Variants in USH2A observed in about 807,000 individuals in gnomAD.
USH2A encodes usherin.
USH2A carries 443 observed loss-of-function variants against 538.9 expected under a neutral mutation model. That is an observed-to-expected ratio of 0.82 (90% CI 0.76 to 0.89). The LOEUF (loss-of-function observed/expected upper bound fraction) is 0.89, where lower values mean the gene tolerates loss of function less well. Among genes scored for constraint, USH2A ranks in the 40% least tolerant of loss-of-function variants. USH2A has a pLI of 0.00. For synonymous variants in USH2A, 2,413 were observed against 2,273.5 expected (o/e 1.06, Z -1.75); for missense variants, 6,633 against 6,324.8 (o/e 1.05, Z -1.65).
chr1:216,164,942 T>A (rs1056781172), intron 21 of USH2A, among the ~76,000 whole-genome samples: 1 of 152,108 alleles, frequency 6.6e-6, no homozygotes, highest in Non-Finnish European at 1.5e-5. Flanking sequence ...AGTTTCACAC[T>A]GGGGGAATGA....
At chr1:216,041,689 C>T (rs927733386) in intron 32 of USH2A, among the ~76,000 whole-genome samples, 1 of 151,890 alleles carries the variant, frequency 6.6e-6, no homozygotes, top group Non-Finnish European at 1.5e-5. Flanking sequence ...CAGGATAGCT[C>T]GTGGAGAAGT....
At chr1:216,391,826 G>A (rs77168054) in intron 3 of USH2A, among the ~76,000 whole-genome samples, 5,658 of 152,272 alleles carry the variant, frequency 0.037, 143 homozygotes, top group South Asian at 0.083. Context: ...ATGTGCTTTT[G>A]TTCCAGGTCT....
Position 215,674,996 on chromosome 1 carries a change from C to A in USH2A, c.12915G>T (p.Met4305Ile). Residue 4305 changes from methionine to isoleucine, a missense_variant, in exon 63 of 72, where the codon ATG becomes ATT. Coordinates refer to ENST00000307340, the MANE Select transcript of USH2A (RefSeq NM_206933.4). ...CAGGATCAAAGCTAAAAGGATAGAG[C>A]ATTTCATTCCTTTGAAGCCTATAGG... ...IQSYRLQRNE[M>I]LYPFSFDPVT... 1 of 1,614,138 alleles carries A rather than the reference C, an allele frequency of 6.2e-7. No individual in the cohort carries two copies. The highest frequency in any genetic ancestry group is 1.1e-5 in the South Asian group (1 of 91,078).
At chr1:215,732,959 T>C (rs1477520469) in intron 60 of USH2A, among the ~76,000 whole-genome samples, 2 of 152,162 alleles carry the variant, frequency 1.3e-5, no homozygotes, top group Non-Finnish European at 2.9e-5. Flanking sequence ...TATCCTTCTA[T>C]GTGCTACCTC....
chr1:215,805,630 G>T (rs370873042), intron 49 of USH2A, among the ~76,000 whole-genome samples: 4 of 151,866 alleles, frequency 2.6e-5, no homozygotes, highest in African/African-American at 9.7e-5. Flanking sequence ...TGTAAACAAG[G>T]AAAAAATAAA....
chr1:216,306,553 T>C (rs2037320185), intron 9 of USH2A, among the ~76,000 whole-genome samples: 2 of 152,200 alleles, frequency 1.3e-5, no homozygotes, highest in African/African-American at 4.8e-5. Context: ...TGGTAAGCTA[T>C]TGTGATCTTT....
At chr1:215,625,904 CTTGCTATCAATAGTAT>C (rs772058929) in intron 71 of USH2A, 34 bp from the exon 72 acceptor site, 3 of 1,568,356 alleles carry the variant, frequency 1.9e-6, no homozygotes, top group Non-Finnish European at 2.6e-6. Context: ...TGGCTACATA[CTTGCTATCAATAGTAT>C]TTGCTATCAA....
intron 37 of USH2A, among the ~76,000 whole-genome samples, chr1:215,960,855 C>G (rs1667180066): frequency 6.6e-6 from 1 of 152,050 alleles, no homozygotes; most frequent in African/African-American, 2.4e-5. Flanking sequence ...AAAATCTTCC[C>G]TTAATTATTT....
chr1:215,965,400 T>C lies in USH2A; in HGVS notation c.7037A>G (p.His2346Arg), dbSNP rs776390437. The C allele has an allele frequency of 9.3e-6, 15 of 1,613,922 alleles. No homozygotes were observed. The East Asian group carries it at 3.1e-4, about 34-fold the overall frequency. ...FVKTQGSRKA[H>R]VRWEAPFRPN... is the part of the protein sequence containing the mutation. ...GCGAAAAGGTGCTTCCCACCTCACGTGGGCTTTCCGGGATCCCTGTGTTTT... is the reference window on the plus strand; with the variant it reads ...GCGAAAAGGTGCTTCCCACCTCACGCGGGCTTTCCGGGATCCCTGTGTTTT... Residue 2346 changes from histidine to arginine, a missense_variant, in exon 37 of 72, where the codon CAC (histidine) becomes CGC (arginine). By Grantham distance (29) the His-to-Arg change is conservative. Transcript: ENST00000307340.
intron 21 of USH2A, among the ~76,000 whole-genome samples, chr1:216,112,042 G>A (rs892325570): frequency 2.0e-5 from 3 of 151,906 alleles, no homozygotes; most frequent in African/African-American, 7.3e-5. Context: ...CTGCCATTAG[G>A]TGGTGCTAGA....
chr1:216,008,819 A>C (rs1668472543), intron 32 of USH2A, among the ~76,000 whole-genome samples: 1 of 152,146 alleles, frequency 6.6e-6, no homozygotes, highest in Admixed American at 6.5e-5. Context: ...ATTTTCTGGT[A>C]AAGACAAAGG....
At chr1:216,401,526 A>G (rs1165697338) in intron 3 of USH2A, among the ~76,000 whole-genome samples, 2 of 152,138 alleles carry the variant, frequency 1.3e-5, no homozygotes, top group Admixed American at 6.5e-5. Context: ...AATTTTTAAA[A>G]AAGTATCCAA....
chr1:216,328,072 C>G (rs2037771591), intron 4 of USH2A, among the ~76,000 whole-genome samples: 1 of 152,126 alleles, frequency 6.6e-6, no homozygotes, highest in Non-Finnish European at 1.5e-5. Flanking sequence ...ACTCTCACAT[C>G]CCACCTGTTA....
intron 58 of USH2A, among the ~76,000 whole-genome samples, chr1:215,746,017 T>A (rs2102730420): frequency 6.6e-6 from 1 of 152,312 alleles, no homozygotes; most frequent in Middle Eastern, 3.4e-3. Flanking sequence ...TGTCAAAGTA[T>A]ATTCAAAGAC....
rs373972698 is a variant in USH2A, at chr1:215,648,577, C to T, written c.14533G>A (p.Ala4845Thr). ...ATGGGGGGACTCCACCGGAAGGAGGCCGTCCTTGAGGCCAGCGTCCCGATT... is the reference window on the plus strand; with the variant it reads ...ATGGGGGGACTCCACCGGAAGGAGGTCGTCCTTGAGGCCAGCGTCCCGATT... ...PQIGTLASRT[A>T]SFRWSPPMFP... The change falls in exon 66 of 72, where the codon GCC becomes ACC. Residue 4845 changes from alanine (A) to threonine (T), a missense_variant. Physicochemically the swap from Ala to Thr is moderately conservative, Grantham distance 58. Coordinates refer to ENST00000307340, the MANE Select transcript of USH2A (RefSeq NM_206933.4). 18 of 1,614,200 alleles carry T rather than the reference C, an allele frequency of 1.1e-5. No homozygotes were observed. The highest frequency in any genetic ancestry group is 1.4e-5 in the Non-Finnish European group (16 of 1,180,038).
chr1:216,071,025 TTAAC>T (rs2031541588), intron 29 of USH2A, among the ~76,000 whole-genome samples: 1 of 152,236 alleles, frequency 6.6e-6, no homozygotes, highest in Non-Finnish European at 1.5e-5. Context: ...TCTATTACCT[TTAAC>T]TATTTATTAG....
At chr1:215,680,104 T>C (rs774188749) in intron 62 of USH2A, 45 bp downstream of exon 62, 4 of 1,592,348 alleles carry the variant, frequency 2.5e-6, no homozygotes, top group East Asian at 2.2e-5. Flanking sequence ...CATCTATTTA[T>C]CTGGAGAACA....
At chr1:216,409,103 G>A (rs1232775458) in intron 3 of USH2A, among the ~76,000 whole-genome samples, 1 of 152,086 alleles carries the variant, frequency 6.6e-6, no homozygotes, top group African/African-American at 2.4e-5. Flanking sequence ...AAATAGATTT[G>A]ATTAGAAGCA....
intron 41 of USH2A, chr1:215,886,599 T>C (rs1665063640): frequency 6.6e-6 from 1 of 152,170 alleles, no homozygotes; most frequent in African/African-American, 2.4e-5. Context: ...CTTAGAGACA[T>C]TGAGATTCCT....
Sources: allele counts gnomAD v4.1 joint callset (sites outside exome capture counted in the v4.1 genomes callset), GRCh38; gene constraint gnomAD v4.1.1; transcripts MANE v1.5; gene names NCBI Gene and HGNC (gene_info 2026-07-23, HGNC 2026-07-21).